The following RHBDD1 variants were observed in gnomAD, a reference collection of about 807,000 sequenced individuals.
RHBDD1 encodes rhomboid-related protein 4.
In RHBDD1, 38 loss-of-function variants were observed where a neutral mutation model predicts 36.3. The ratio of observed to expected loss-of-function variants is 1.05; its 90% CI spans 0.81 to 1.37. The LOEUF (loss-of-function observed/expected upper bound fraction) is 1.37. RHBDD1 is among the 40% of genes most tolerant of loss of function. The pLI is 0.00. For synonymous variants in RHBDD1, 151 were observed against 136.5 expected (o/e 1.11, Z -0.74); for missense variants, 393 against 377.6 (o/e 1.04, Z -0.34).
At chr2:226,841,280 G>A (rs1053961590) in intron 3 of RHBDD1, among the ~76,000 whole-genome samples, 1 of 151,990 alleles carries the variant, frequency 6.6e-6, no homozygotes, top group East Asian at 1.9e-4. Context: ...CTACAGACAT[G>A]TGCCACCACA....
chr2:226,916,231 C>G (rs148650286), intron 8 of RHBDD1, among the ~76,000 whole-genome samples: 2,086 of 152,272 alleles, frequency 0.014, 52 homozygotes, highest in African/African-American at 0.048. Context: ...GGAGGAACCG[C>G]AAAGTCACAT....
chr2:226,812,757 A>T, the RHBDD1 span, among the ~76,000 whole-genome samples: 3 of 152,208 alleles, frequency 2.0e-5, no homozygotes, highest in African/African-American at 7.2e-5. Flanking sequence ...CATTTAAAAA[A>T]ATTCTCCCAT....
At chr2:226,811,508 G>A in the RHBDD1 span, among the ~76,000 whole-genome samples, 3 of 152,098 alleles carry the variant, frequency 2.0e-5, no homozygotes, top group African/African-American at 7.2e-5. Context: ...TTGCCATGTT[G>A]GCCAGGCTGG....
At chr2:226,885,063 A>G (rs1049131953) in intron 5 of RHBDD1, among the ~76,000 whole-genome samples, 2 of 152,192 alleles carry the variant, frequency 1.3e-5, no homozygotes, top group African/African-American at 4.8e-5. Context: ...TCAGTGGCTA[A>G]TAAATGTCTA....
At chr2:226,994,575 G>T (rs1041784123) in intron 8 of RHBDD1, among the ~76,000 whole-genome samples, 1 of 152,106 alleles carries the variant, frequency 6.6e-6, no homozygotes, top group Non-Finnish European at 1.5e-5. Flanking sequence ...CAGCCTTTTT[G>T]GTCCCCATGC....
the RHBDD1 span, among the ~76,000 whole-genome samples, chr2:226,818,563 G>T: frequency 1.3e-5 from 2 of 151,532 alleles, no homozygotes; most frequent in Admixed American, 6.6e-5. Flanking sequence ...TGACCTGGCC[G>T]GGTGTGGTGG....
chr2:226,951,270 T>C (rs2149218751), intron 8 of RHBDD1, among the ~76,000 whole-genome samples: 1 of 152,176 alleles, frequency 6.6e-6, no homozygotes, highest in East Asian at 1.9e-4. Context: ...AGTACTGGGG[T>C]TTAGGGCTGC....
intron 6 of RHBDD1, 112 bp downstream of exon 6, chr2:226,906,993 T>C: frequency 9.3e-7 from 1 of 1,072,538 alleles, no homozygotes; most frequent in South Asian, 1.3e-5. Flanking sequence ...AATTCCCTAA[T>C]ATGCCTGTTT....
the RHBDD1 span, among the ~76,000 whole-genome samples, chr2:226,800,981 G>A: frequency 1.3e-4 from 20 of 152,292 alleles, no homozygotes; most frequent in African/African-American, 4.3e-4. Flanking sequence ...TATTTTTTAA[G>A]CCGACCTATA....
chr2:226,801,335 A>G, the RHBDD1 span, among the ~76,000 whole-genome samples: 19 of 152,198 alleles, frequency 1.2e-4, no homozygotes, highest in African/African-American at 4.3e-4. Context: ...AGGTGGGGGT[A>G]GAAGGGTTGA....
Position 226,901,802 on chromosome 2 carries a change from T to C in RHBDD1, c.567-4991T>C, listed in dbSNP as rs186846609. 2.4e-3 allele frequency among the ~76,000 whole-genome samples: 372 copies of C among 152,334 alleles called. 2 individuals carry two copies. Among genetic ancestry groups the C allele is most frequent in the Non-Finnish European group, 4.3e-3 (290 of 68,030 alleles). ...AGCTCATTGGCAATAAATGACCCAA[T>C]TGAAAAATGAGTAAAGCACTTGACT... is the stretch of plus-strand genomic sequence containing the variant. On this transcript the variant is annotated intron_variant, in intron 5 of 8. Coordinates refer to ENST00000392062, the MANE Select transcript of RHBDD1 (RefSeq NM_001167608.3).
chr2:226,865,093 G>T lies in RHBDD1; in HGVS notation c.400G>T (p.Asp134Tyr). The change falls in exon 4 of 9, where the codon GAC (aspartate) becomes TAC (tyrosine). Residue 134 changes from aspartate (D) to tyrosine (Y), a missense_variant. Asp to Tyr is a radical substitution (Grantham distance 160). Coordinates refer to ENST00000392062, the MANE Select transcript of RHBDD1 (RefSeq NM_001167608.3). ...FAVAEFMDEPDFKRSCAVGFS... is the reference protein window; with the variant it reads ...FAVAEFMDEPYFKRSCAVGFS... ...TGTTGCCGAATTTATGGATGAACCT[G>T]ACTTCAAAAGGAGCTGTGCTGTAGG... 1 of 1,614,030 alleles carries T rather than the reference G, an allele frequency of 6.2e-7. No homozygotes were observed. Among genetic ancestry groups the T allele is most frequent in the South Asian group, 1.1e-5 (1 of 91,002 alleles).
At chr2:226,854,185 CATT>C (rs773272222) in intron 3 of RHBDD1, among the ~76,000 whole-genome samples, 3 of 152,048 alleles carry the variant, frequency 2.0e-5, no homozygotes, top group Non-Finnish European at 4.4e-5. Flanking sequence ...ATGTTTCAGG[CATT>C]ATTCTAAGTG....
the RHBDD1 span, among the ~76,000 whole-genome samples, chr2:226,827,613 T>C: frequency 6.6e-6 from 1 of 152,256 alleles, no homozygotes; most frequent in Non-Finnish European, 1.5e-5. Context: ...CATTAAGTAT[T>C]GAAATGCCAG....
chr2:226,840,710 T>C (rs1372697079), intron 3 of RHBDD1, among the ~76,000 whole-genome samples: 1 of 152,194 alleles, frequency 6.6e-6, no homozygotes, highest in Non-Finnish European at 1.5e-5. Flanking sequence ...AACAGCTGTT[T>C]CTCCAGGTGT....
chr2:226,850,122 C>T (rs1442385323), intron 3 of RHBDD1, among the ~76,000 whole-genome samples: 1 of 152,148 alleles, frequency 6.6e-6, no homozygotes, highest in East Asian at 1.9e-4. Context: ...TGTCTACTGA[C>T]CTGTTTTACA....
rs149798751 is a variant in RHBDD1, at chr2:226,848,799, C to G, written c.-91+9172C>G. 2.3e-3 allele frequency among the ~76,000 whole-genome samples: 350 copies of G among 152,160 alleles called. 2 individuals are homozygous for G. The highest frequency in any genetic ancestry group is 8.1e-3 in the African/African-American group (337 of 41,524). ...CATTTTAAGGACAGAGCCTTGGGAG[C>G]CGATTATTTTGATTAAAATCCCTGC... On this transcript the variant is annotated intron_variant, in intron 3 of 8. Coordinates refer to ENST00000392062, the MANE Select transcript of RHBDD1 (RefSeq NM_001167608.3).
intron 8 of RHBDD1, among the ~76,000 whole-genome samples, chr2:226,953,726 G>A (rs768822034): frequency 2.6e-5 from 4 of 152,110 alleles, no homozygotes; most frequent in Non-Finnish European, 5.9e-5. Flanking sequence ...ACTTACATTC[G>A]CTTTGAGAAG....
Position 226,864,998 on chromosome 2 carries a change from G to A in RHBDD1, c.305G>A (p.Arg102Lys), listed in dbSNP as rs780079086. The change falls in exon 4 of 9, where the codon AGA becomes AAA. Residue 102 changes from arginine (R) to lysine (K), a missense_variant. Physicochemically the swap from Arg to Lys is conservative, Grantham distance 26. Coordinates refer to ENST00000392062, the MANE Select transcript of RHBDD1 (RefSeq NM_001167608.3). Reference sequence around the variant, plus strand: ...AATCTAGAAAGAAGACTGGGAAGTAGATGGTTTGCCTATGTTATCACCGCA... The same window carrying A: ...AATCTAGAAAGAAGACTGGGAAGTAAATGGTTTGCCTATGTTATCACCGCA... The part of the protein sequence containing the change: ...GINLERRLGS[R>K]WFAYVITAFS... 1 of 1,614,122 alleles carries A rather than the reference G, an allele frequency of 6.2e-7. No individual in the cohort carries two copies. Among genetic ancestry groups the A allele is most frequent in the African/African-American group, 1.3e-5 (1 of 74,950 alleles).
Sources: gnomAD v4.1 joint callset for allele counts (sites outside exome capture counted in the v4.1 genomes callset) on GRCh38, gnomAD v4.1.1 for gene constraint, MANE v1.5 for transcripts, NCBI Gene and HGNC (gene_info 2026-07-23, HGNC 2026-07-21) for gene names.